Variants in PTCH1 observed in about 807,000 individuals in gnomAD.
PTCH1 encodes protein patched homolog 1.
Under a neutral mutation model 144.6 loss-of-function variants are expected in PTCH1, and 14 were observed. The observed-to-expected ratio is 0.10, with a 90% CI of 0.06 to 0.15. The LOEUF (loss-of-function observed/expected upper bound fraction) is 0.15, where lower values mean the gene tolerates loss of function less well. Among genes scored for constraint, PTCH1 ranks in the 10% least tolerant of loss-of-function variants. The probability of loss-of-function intolerance (pLI) is 1.00; values close to 1 mark genes in which losing one functional copy is unlikely to be tolerated. For missense variants in PTCH1, 1,623 were observed against 1,948.3 expected (o/e 0.83, Z 3.14); for synonymous variants, 833 against 793.6 (o/e 1.05, Z -0.83).
At chr9:95,498,497 A>T (rs945051598) in intron 2 of PTCH1, among the ~76,000 whole-genome samples, 1 of 152,202 alleles carries the variant, frequency 6.6e-6, no homozygotes, top group Non-Finnish European at 1.5e-5. Context: ...GAACAGTCAT[A>T]TTCCCTCCTG....
chr9:95,445,909 A>C lies in PTCH1; in HGVS notation c.*484T>G, dbSNP rs979225864. 6.4e-6 allele frequency: 1 copy of C among 157,084 alleles called. No individual in the cohort carries two copies. The highest frequency in any genetic ancestry group is 2.4e-5 in the African/African-American group (1 of 41,554). The allele number at this position is 157,084 out of a possible 1,614,324, so 9.7% of individuals were successfully genotyped here. Reference sequence around the variant, plus strand: ...AGCGTGTTTGAAAGTTAACAGTAACATTTCATACTACCACAGGGTTGTGAT... The same window carrying C: ...AGCGTGTTTGAAAGTTAACAGTAACCTTTCATACTACCACAGGGTTGTGAT... On this transcript the variant is annotated 3_prime_UTR_variant, in exon 24 of 24. Transcript: ENST00000331920.
At chr9:95,465,352 T>C (rs1047055040) in intron 15 of PTCH1, among the ~76,000 whole-genome samples, 28 of 152,222 alleles carry the variant, frequency 1.8e-4, no homozygotes, top group Admixed American at 5.9e-4. Flanking sequence ...AAGTTATTTA[T>C]ATGTCTTTGG....
rs55844310 is a variant in PTCH1 at position 95,476,046 on chromosome 9, C to G, written c.1716G>C (p.Ala572=). The part of the protein sequence containing the change: ...AALIPIPALR[A]FSLQAAVVVV... ...ACCAGAAGCTCACCTGGAGGGAGAA[C>G]GCCCGCAGAGCGGGAATTGGGATTA... Residue 572 remains alanine, a synonymous_variant, in exon 12 of 24, where the codon GCG becomes GCC. Coordinates refer to ENST00000331920, the MANE Select transcript of PTCH1 (RefSeq NM_000264.5). The surrounding 1 kb of genome is among the most constrained non-coding windows in gnomAD (Gnocchi z 4.6). 1.9e-6 allele frequency: 3 copies of G among 1,613,880 alleles called. No individual in the cohort carries two copies. The highest frequency in any genetic ancestry group is 2.5e-6 in the Non-Finnish European group (3 of 1,180,016).
intron 16 of PTCH1, 139 bp downstream of exon 16, chr9:95,461,717 C>T (rs949867232): frequency 4.5e-5 from 55 of 1,219,154 alleles, no homozygotes; most frequent in Non-Finnish European, 5.8e-5. Flanking sequence ...TTAGAGTCAC[C>T]CAATATTCTT....
chr9:95,485,992 G>T, intron 2 of PTCH1, 118 bp from the exon 3 acceptor site: 1 of 1,098,788 alleles, frequency 9.1e-7, no homozygotes, highest in Non-Finnish European at 1.4e-6. Context: ...CATGAGACTG[G>T]CTGATGTGTG....
At position 95,508,330 on chromosome 9, in the gene PTCH1, TG is replaced by T; in HGVS notation, c.31del (p.Gln11ArgfsTer69). 7.8e-7 allele frequency: 1 copy of T among 1,289,114 alleles called. No individual in the cohort carries two copies. The highest frequency in any genetic ancestry group is 9.8e-7 in the Non-Finnish European group (1 of 1,020,900). The allele number at this position is 1,289,114 out of a possible 1,614,324, so 79.9% of individuals were successfully genotyped here. The part of the protein sequence containing the change: MASAGNAAEP[Q>X]DRGGGGSGCI... ...GCCGCTGCCGCCGCCGCCGCGGTCC[TG>T]GGGCTCGGCGGCGTTACCAGCCGAG... On this transcript the variant is annotated frameshift_variant, in exon 1 of 24. Transcript: ENST00000331920. LOFTEE classifies it high-confidence loss of function.
intron 1 of PTCH1, chr9:95,507,819 G>T: frequency 1.3e-6 from 1 of 751,840 alleles, no homozygotes; most frequent in Non-Finnish European, 1.8e-6. Flanking sequence ...CACGGGGCAG[G>T]ACAGTGCCGC....
At position 95,458,220 on chromosome 9, in the gene PTCH1, A is replaced by C; in HGVS notation, c.2961T>G (p.Phe987Leu). 1 of 1,614,106 alleles carries C rather than the reference A, an allele frequency of 6.2e-7. No homozygotes were observed. The highest frequency in any genetic ancestry group is 1.1e-5 in the South Asian group (1 of 91,086). Residue 987 changes from phenylalanine to leucine, a missense_variant, in exon 18 of 24, where the codon TTT becomes TTG. Phe to Leu is a conservative substitution (Grantham distance 22). Around this residue, in one of 7 missense-constraint regions of PTCH1, gnomAD observed 504 missense variants for 679.3 expected, o/e 0.74. Transcript: ENST00000331920. The surrounding 1 kb of genome is among the most constrained non-coding windows in gnomAD (Gnocchi z 4.7). ...YLNGLRDTSD[F>L]VEAIEKVRTI... ...TCCTTACTTTTTCAATTGCCTCCAC[A>C]AAGTCTGAGGTGTCCCGCAAGCCGT...
Position 95,490,947 on chromosome 9 carries a change from ACAT to A in PTCH1, c.395-5076_395-5074del, listed in dbSNP as rs879749460. Reference sequence around the variant, plus strand: ...CCAATTACCCTCATCTGATCATTACACATCATATGCTTATATCAAAACATCACA... The same window carrying A: ...CCAATTACCCTCATCTGATCATTACACATATGCTTATATCAAAACATCACA... On this transcript the variant is annotated intron_variant, in intron 2 of 23. Transcript: ENST00000331920. Among the ~76,000 whole-genome samples, 4 of 152,350 alleles carry A rather than the reference ACAT, an allele frequency of 2.6e-5. No individual in the cohort carries two copies. The East Asian group carries it at 5.8e-4, about 22-fold the overall frequency.
At position 95,475,995 on chromosome 9, in the gene PTCH1, C is replaced by T. The variant is rs570213017; in HGVS notation, c.1728+39G>A. On this transcript the variant is annotated intron_variant, in intron 12 of 23. Coordinates refer to ENST00000331920, the MANE Select transcript of PTCH1 (RefSeq NM_000264.5). ...CATGGGATGCTGGAAGTCAGTGCCC[C>T]GTTCAGGATCACCACAGCCTTCATC... 3.0e-5 allele frequency: 48 copies of T among 1,612,170 alleles called. No homozygotes were observed. The Admixed American group carries it at 3.3e-4, about 11-fold the overall frequency.
intron 3 of PTCH1, 79 bp from the exon 4 acceptor site, chr9:95,482,282 T>G: frequency 1.5e-6 from 2 of 1,337,268 alleles, no homozygotes; most frequent in Non-Finnish European, 2.1e-6. Flanking sequence ...ATAGAACATA[T>G]AAAAAGAACT....
At chr9:95,490,764 T>C (rs985165948) in intron 2 of PTCH1, among the ~76,000 whole-genome samples, 1 of 152,148 alleles carries the variant, frequency 6.6e-6, no homozygotes, top group Non-Finnish European at 1.5e-5. Flanking sequence ...AGTACCAACA[T>C]ACAGTTAAGT....
chr9:95,482,207 A>G lies in PTCH1; in HGVS notation c.585-4T>C. On this transcript the variant is annotated splice_region_variant and splice_polypyrimidine_tract_variant and intron_variant, in intron 3 of 23. Coordinates refer to ENST00000331920, the MANE Select transcript of PTCH1 (RefSeq NM_000264.5). ...CAAATGTTCCAATTTCCACTGCCTAATAAAATGAAAAGCAGAGACAAAAAT... is the reference window on the plus strand; with the variant it reads ...CAAATGTTCCAATTTCCACTGCCTAGTAAAATGAAAAGCAGAGACAAAAAT... The G allele has an allele frequency of 2.5e-6, 4 of 1,613,732 alleles. No homozygotes were observed. The highest frequency in any genetic ancestry group is 3.4e-6 in the Non-Finnish European group (4 of 1,179,714).
At chr9:95,483,715 CTT>C (rs1841754809) in intron 3 of PTCH1, 2 of 152,354 alleles carry the variant, frequency 1.3e-5, no homozygotes, top group Admixed American at 6.5e-5. Flanking sequence ...TCTTTCCTCT[CTT>C]TGAGAGCTGT....
chr9:95,477,494 G>A, intron 10 of PTCH1, 53 bp downstream of exon 10: 3 of 1,612,496 alleles, frequency 1.9e-6, no homozygotes, highest in Non-Finnish European at 1.7e-6. Flanking sequence ...GGCCAAGCCT[G>A]GGGGCCGGGT....
rs1838051752 is a variant in PTCH1, at chr9:95,447,415, T to C, written c.3841A>G (p.Asn1281Asp). 6.2e-7 allele frequency: 1 copy of C among 1,604,600 alleles called. No homozygotes were observed. The highest frequency in any genetic ancestry group is 1.3e-5 in the African/African-American group (1 of 74,524). ...TCCAGGTGGGGCTGCTGTCTCGGGT[T>C]CGAGGGTGGGTGATGCCTGGATTCG... ...HPESRHHPPS[N>D]PRQQPHLDSG... The change falls in exon 23 of 24, where the codon AAC becomes GAC. Residue 1281 changes from asparagine (N) to aspartate (D), a missense_variant. This residue lies in a region of PTCH1 where 291 missense variants were observed against 287.4 expected (regional missense o/e 1.01). Coordinates refer to ENST00000331920, the MANE Select transcript of PTCH1 (RefSeq NM_000264.5).
At chr9:95,477,776 C>T in intron 9 of PTCH1, 74 bp from the exon 10 acceptor site, 1 of 1,571,094 alleles carries the variant, frequency 6.4e-7, no homozygotes, top group Non-Finnish European at 8.7e-7. Flanking sequence ...TGTTTCCCTC[C>T]ACCCATCACC....
chr9:95,515,034 C>T (rs1170065446), intron 1 of PTCH1, among the ~76,000 whole-genome samples: 2 of 152,178 alleles, frequency 1.3e-5, no homozygotes, highest in Admixed American at 1.3e-4. Context: ...TCGAAAGCCC[C>T]TTGTTTTACA....
chr9:95,466,221 T>C (rs1239159341), intron 15 of PTCH1, among the ~76,000 whole-genome samples: 2 of 152,168 alleles, frequency 1.3e-5, no homozygotes. Context: ...CTAATTTTTG[T>C]ATTTTTAGTA....
Sources: gnomAD v4.1 joint callset for allele counts (sites outside exome capture counted in the v4.1 genomes callset) on GRCh38, gnomAD v4.1.1 for gene constraint, gnomAD v4.1.1 regional missense constraint, Gnocchi (gnomAD v3.1) non-coding constraint, MANE v1.5 for transcripts, NCBI Gene and HGNC (gene_info 2026-07-23, HGNC 2026-07-21) for gene names.